Variants in HECW2 observed in about 807,000 individuals in gnomAD.
HECW2 encodes the protein HECT, C2 and WW domain containing E3 ubiquitin protein ligase 2.
Under a neutral mutation model 175.2 loss-of-function variants are expected in HECW2, and 61 were observed. The ratio of observed to expected loss-of-function variants is 0.35; its 90% CI spans 0.28 to 0.43. HECW2 has a LOEUF of 0.43. Among genes scored for constraint, HECW2 ranks in the 20% least tolerant of loss-of-function variants. The pLI is 1.00. For missense variants in HECW2, 1,524 were observed against 2,000.5 expected, an observed-to-expected ratio of 0.76 and a Z score of 4.54; for synonymous variants, 671 against 731.0, an observed-to-expected ratio of 0.92 and a Z score of 1.32.
intron 10 of HECW2, among the ~76,000 whole-genome samples, chr2:196,312,016 G>A (rs1253375701): frequency 6.6e-6 from 1 of 152,156 alleles, no homozygotes; most frequent in African/African-American, 2.4e-5. Context: ...TAGAACGTAA[G>A]GTCTTCAGAG....
chr2:196,578,317 T>C (rs2125524213), intron 1 of HECW2, among the ~76,000 whole-genome samples: 1 of 152,202 alleles, frequency 6.6e-6, no homozygotes, highest in South Asian at 2.1e-4. Flanking sequence ...TTATGCTGTC[T>C]TAGGAATAGA....
rs769096483 is a variant in HECW2, at chr2:196,308,091, T to C, written c.2435-6A>G. 6 of 1,571,190 alleles carry C rather than the reference T, an allele frequency of 3.8e-6. No individual in the cohort carries two copies. In the Admixed American group the frequency reaches 6.9e-5, roughly 18 times the overall value. On this transcript the variant is annotated splice_polypyrimidine_tract_variant and splice_region_variant and intron_variant, in intron 10 of 28. Coordinates refer to ENST00000644978, the MANE Select transcript of HECW2 (RefSeq NM_001348768.2). ...GTCAATGCGTGCCTCCCAGTCTAAATGGCAGTGAGGCACCGAAAGGAATTA... is the reference window on the plus strand; with the variant it reads ...GTCAATGCGTGCCTCCCAGTCTAAACGGCAGTGAGGCACCGAAAGGAATTA...
At chr2:196,394,865 G>A (rs955747805) in intron 2 of HECW2, among the ~76,000 whole-genome samples, 9 of 152,158 alleles carry the variant, frequency 5.9e-5, no homozygotes, top group African/African-American at 1.7e-4. Flanking sequence ...CATAAACTGG[G>A]TAGCTTATAA....
chr2:196,408,081 G>A (rs116038066), intron 2 of HECW2, among the ~76,000 whole-genome samples: 1,604 of 152,322 alleles, frequency 0.011, 25 homozygotes, highest in African/African-American at 0.037. Context: ...ACAAGATGCA[G>A]GAGGTTAGAA....
chr2:196,581,101 G>C (rs1690762704), intron 1 of HECW2, among the ~76,000 whole-genome samples: 1 of 152,180 alleles, frequency 6.6e-6, no homozygotes, highest in African/African-American at 2.4e-5. Context: ...GGCAAATCTA[G>C]AGTAGTGGTT....
chr2:196,327,462 G>C (rs1692197200), intron 5 of HECW2, among the ~76,000 whole-genome samples: 1 of 152,184 alleles, frequency 6.6e-6, no homozygotes, highest in Non-Finnish European at 1.5e-5. Flanking sequence ...GGTTTGACGT[G>C]TTAAATATCC....
intron 14 of HECW2, chr2:196,290,160 A>C (rs62184609): frequency 0.26 from 38,991 of 152,048 alleles, 5,890 homozygotes; most frequent in African/African-American, 0.41. Context: ...GCCTACACTC[A>C]GGGTTCTCTA....
chr2:196,264,028 T>C (rs1689412716), intron 17 of HECW2: 5 of 152,330 alleles, frequency 3.3e-5, no homozygotes, highest in South Asian at 4.1e-4. Flanking sequence ...GTTTGTATTG[T>C]TGGCAAGTTG....
chr2:196,409,941 G>T (rs781002390), intron 2 of HECW2, among the ~76,000 whole-genome samples: 9 of 152,204 alleles, frequency 5.9e-5, no homozygotes, highest in Admixed American at 1.3e-4. Flanking sequence ...ATCATAAAAA[G>T]ATTTGCTAAA....
intron 1 of HECW2, among the ~76,000 whole-genome samples, chr2:196,575,125 C>T (rs1690518480): frequency 1.7e-5 from 2 of 117,924 alleles, no homozygotes; most frequent in Non-Finnish European, 3.7e-5. Flanking sequence ...CCCGAACAGA[C>T]ATTTTGCAAA....
chr2:196,459,789 G>T (rs1484510915), intron 1 of HECW2, among the ~76,000 whole-genome samples: 1 of 152,112 alleles, frequency 6.6e-6, no homozygotes, highest in Non-Finnish European at 1.5e-5. Context: ...TGTGCAGGGA[G>T]GGGTTTTGCA....
chr2:196,201,486 G>T, intron 28 of HECW2, 98 bp from the exon 29 acceptor site: 1 of 635,394 alleles, frequency 1.6e-6, no homozygotes, highest in East Asian at 2.9e-5. Context: ...GTGTATGACT[G>T]TCTTTCACAT....
chr2:196,580,500 T>C (rs1206133696), intron 1 of HECW2, among the ~76,000 whole-genome samples: 1 of 152,160 alleles, frequency 6.6e-6, no homozygotes, highest in Non-Finnish European at 1.5e-5. Context: ...GACAACTCTA[T>C]TTTTTAAATT....
At chr2:196,317,052 C>A (rs1158264976) in intron 10 of HECW2, 16 of 478,622 alleles carry the variant, frequency 3.3e-5, no homozygotes, top group Non-Finnish European at 6.0e-5. Flanking sequence ...ACCCCATGGG[C>A]AACACAGGAT....
intron 2 of HECW2, among the ~76,000 whole-genome samples, chr2:196,393,707 G>A (rs552891062): frequency 1.3e-5 from 2 of 152,350 alleles, no homozygotes; most frequent in African/African-American, 4.8e-5. Flanking sequence ...CTGTTGGTGG[G>A]ATTGTAAACT....
rs140201096 is a variant in HECW2, at chr2:196,500,977, T to TAA, written c.-35-67521_-35-67520dup. Among the ~76,000 whole-genome samples, 680 of 152,344 alleles carry TAA rather than the reference T, an allele frequency of 4.5e-3. 42 individuals are homozygous for TAA. The East Asian group carries it at 0.1, about 23-fold the overall frequency. ...TGAGGGCTTCCTTATTTTCCCGCTTTAAATCATTTCCAAGGCTAAAGATTA... is the reference window on the plus strand; with the variant it reads ...TGAGGGCTTCCTTATTTTCCCGCTTTAAAAATCATTTCCAAGGCTAAAGATTA... On this transcript the variant is annotated intron_variant, in intron 1 of 28. Coordinates refer to ENST00000644978, the MANE Select transcript of HECW2 (RefSeq NM_001348768.2).
chr2:196,508,367 TA>T (rs1687838915), intron 1 of HECW2, among the ~76,000 whole-genome samples: 1 of 152,194 alleles, frequency 6.6e-6, no homozygotes, highest in African/African-American at 2.4e-5. Context: ...GTGGTGCAGC[TA>T]AAATACAAAT....
At chr2:196,274,217 G>T in intron 15 of HECW2, 94 bp from the exon 16 acceptor site, 1 of 819,698 alleles carries the variant, frequency 1.2e-6, no homozygotes, top group African/African-American at 1.7e-5. Context: ...TTAACAATGA[G>T]CATAGTGAAG....
chr2:196,575,535 T>C (rs1690531257), intron 1 of HECW2, among the ~76,000 whole-genome samples: 1 of 152,012 alleles, frequency 6.6e-6, no homozygotes, highest in African/African-American at 2.4e-5. Flanking sequence ...CATGAATGAA[T>C]AAAGAAAATA....
Sources: allele counts gnomAD v4.1 joint callset (sites outside exome capture counted in the v4.1 genomes callset), GRCh38; gene constraint gnomAD v4.1.1; transcripts MANE v1.5; gene names NCBI Gene and HGNC (gene_info 2026-07-23, HGNC 2026-07-21).